The following PLD1 variants were observed in gnomAD, a reference collection of about 807,000 sequenced individuals.
The protein encoded by PLD1 is choline phosphatase 1.
A neutral mutation model predicts 137.1 loss-of-function variants in PLD1; 112 were observed. The observed-to-expected ratio is 0.82, with a 90% CI of 0.70 to 0.96. PLD1 has a LOEUF of 0.96. Ranked by LOEUF, PLD1 falls within the 40% of genes least tolerant of loss-of-function variation. The probability of loss-of-function intolerance (pLI) is 0.00; values close to 1 mark genes in which losing one functional copy is unlikely to be tolerated. For missense variants in PLD1, 1,321 were observed against 1,342.0 expected (o/e 0.98, Z 0.24); for synonymous variants, 431 against 454.7 (o/e 0.95, Z 0.66).
At chr3:171,635,122 A>G (rs1474597326) in intron 23 of PLD1, among the ~76,000 whole-genome samples, 1 of 152,270 alleles carries the variant, frequency 6.6e-6, no homozygotes, top group South Asian at 2.1e-4. Context: ...TTACATCTAA[A>G]TAATACTCCA....
chr3:171,634,447 A>G lies in PLD1; in HGVS notation c.2593+8393T>C, dbSNP rs185461702. On this transcript the variant is annotated intron_variant, in intron 23 of 26. Transcript: ENST00000351298. ...CGATATATCTTTTATAAATTTACTA[A>G]TTCACTATCATCTTCATTTTAGGCC... 6.0e-4 allele frequency among the ~76,000 whole-genome samples: 91 copies of G among 152,250 alleles called. No individual in the cohort carries two copies. In the East Asian group the frequency reaches 0.017, roughly 28 times the overall value.
chr3:171,623,153 G>A (rs1733775000), intron 23 of PLD1, among the ~76,000 whole-genome samples: 1 of 151,930 alleles, frequency 6.6e-6, no homozygotes. Flanking sequence ...CATTACATGA[G>A]ATCGCATTAA....
chr3:171,747,184 T>G (rs1199500708), intron 1 of PLD1, among the ~76,000 whole-genome samples: 1 of 152,118 alleles, frequency 6.6e-6, no homozygotes, highest in East Asian at 1.9e-4. Flanking sequence ...ACACCATCTT[T>G]AAGAACTGTA....
intron 21 of PLD1, among the ~76,000 whole-genome samples, chr3:171,655,504 G>A (rs964860127): frequency 5.3e-5 from 8 of 152,048 alleles, no homozygotes; most frequent in African/African-American, 1.9e-4. Context: ...AGAACTACAG[G>A]CACACCAAAA....
intron 1 of PLD1, chr3:171,792,876 C>A (rs1450478973): frequency 5.7e-6 from 2 of 352,994 alleles, no homozygotes; most frequent in South Asian, 2.1e-5. Context: ...GCCTCACACA[C>A]AAAGCCCTTT....
rs1455751750 is a variant in PLD1 at position 171,737,908 on chromosome 3, A to T, written c.144T>A (p.Asp48Glu). 1.2e-6 allele frequency: 2 copies of T among 1,613,416 alleles called. No homozygotes were observed. Among genetic ancestry groups the T allele is most frequent in the East Asian group, 4.5e-5 (2 of 44,852 alleles). The change falls in exon 2 of 27, where the codon GAT (aspartate) becomes GAA (glutamate). Residue 48 changes from aspartate to glutamate, a missense_variant. Coordinates refer to ENST00000351298, the MANE Select transcript of PLD1 (RefSeq NM_002662.5). ...CGTCTTTACCTTCTTGTATCTTGGGATCGCTGGGAGACACGTCGTAGTCTA... is the reference window on the plus strand; with the variant it reads ...CGTCTTTACCTTCTTGTATCTTGGGTTCGCTGGGAGACACGTCGTAGTCTA... ...EEVDYDVSPS[D>E]PKIQEVYIPF...
chr3:171,606,035 G>T (rs1019067365), intron 25 of PLD1, among the ~76,000 whole-genome samples: 2 of 152,140 alleles, frequency 1.3e-5, no homozygotes, highest in African/African-American at 4.8e-5. Flanking sequence ...AACACACTCT[G>T]GGGGGCAAGG....
At chr3:171,642,797 C>G (rs1735876915) in intron 23 of PLD1, 43 bp downstream of exon 23, 3 of 1,107,076 alleles carry the variant, frequency 2.7e-6, no homozygotes, top group Non-Finnish European at 4.1e-6. Context: ...ACCTCACCTT[C>G]ATAATAAAAA....
At chr3:171,662,802 A>C (rs900717383) in intron 19 of PLD1, among the ~76,000 whole-genome samples, 1 of 152,248 alleles carries the variant, frequency 6.6e-6, no homozygotes, top group African/African-American at 2.4e-5. Flanking sequence ...ACTTTAGTCT[A>C]AACTTTCTAA....
intron 1 of PLD1, among the ~76,000 whole-genome samples, chr3:171,787,613 GA>G (rs1168090398): frequency 2.0e-5 from 3 of 152,082 alleles, no homozygotes; most frequent in Non-Finnish European, 4.4e-5. Flanking sequence ...ATCATACCCA[GA>G]AAATAAAATT....
chr3:171,620,074 C>T (rs906393215), intron 24 of PLD1, among the ~76,000 whole-genome samples: 63 of 152,248 alleles, frequency 4.1e-4, no homozygotes, highest in African/African-American at 1.5e-3. Context: ...TAGTTTAGTT[C>T]ACAAAGAGAT....
In PLD1 at chr3:171,614,637, A is replaced by G. The variant is rs960947560; in HGVS notation, c.2729-2205T>C. Among the ~76,000 whole-genome samples, 37 of 152,248 alleles carry G rather than the reference A, an allele frequency of 2.4e-4. 1 individual carries two copies. Among genetic ancestry groups the G allele is most frequent in the African/African-American group, 8.7e-4 (36 of 41,468 alleles). ...TTTAAAGAAGCCTCCTCTCTGGCTT[A>G]ATCGCCCCATGTGTGAACTGTAGGA... On this transcript the variant is annotated intron_variant, in intron 24 of 26. Coordinates refer to ENST00000351298, the MANE Select transcript of PLD1 (RefSeq NM_002662.5).
chr3:171,684,240 C>T (rs1218610618), intron 16 of PLD1, among the ~76,000 whole-genome samples: 1 of 152,206 alleles, frequency 6.6e-6, no homozygotes, highest in Non-Finnish European at 1.5e-5. Flanking sequence ...TTGCCAGCAA[C>T]ACTATCAGTC....
chr3:171,611,916 C>T (rs1368864570), intron 25 of PLD1, among the ~76,000 whole-genome samples: 2 of 151,898 alleles, frequency 1.3e-5, no homozygotes, highest in African/African-American at 4.8e-5. Flanking sequence ...ACGGTATCTA[C>T]AAAAAATTTT....
chr3:171,720,514 C>T (rs1481814555), intron 8 of PLD1, among the ~76,000 whole-genome samples: 7 of 149,940 alleles, frequency 4.7e-5, no homozygotes, highest in Admixed American at 4.0e-4. Context: ...ATCTGGGAGG[C>T]GGAGCTTGCA....
chr3:171,800,301 C>T (rs1468918061), intron 1 of PLD1, among the ~76,000 whole-genome samples: 1 of 152,016 alleles, frequency 6.6e-6, no homozygotes. Flanking sequence ...CTCCGTCTCC[C>T]TGGTTCAAGC....
Position 171,737,983 on chromosome 3 carries a change from A to G in PLD1, c.69T>C (p.Asn23=). 6.2e-7 allele frequency: 1 copy of G among 1,613,992 alleles called. No homozygotes were observed. The highest frequency in any genetic ancestry group is 8.5e-7 in the Non-Finnish European group (1 of 1,179,896). Residue 23 remains asparagine (N), a synonymous_variant, in exon 2 of 27, where the codon AAT becomes AAC. Transcript: ENST00000351298. ...ALQKIAADMS[N]IIENLDTREL... Reference sequence around the variant, plus strand: ...CCCGCGTGTCCAGATTTTCTATGATATTACTCATGTCAGCAGCAATTTTCT... The same window carrying G: ...CCCGCGTGTCCAGATTTTCTATGATGTTACTCATGTCAGCAGCAATTTTCT...
chr3:171,654,543 GATCTGAGA>G (rs1737038735), intron 21 of PLD1, among the ~76,000 whole-genome samples: 1 of 152,128 alleles, frequency 6.6e-6, no homozygotes, highest in Non-Finnish European at 1.5e-5. Context: ...CATGTGCAAA[GATCTGAGA>G]ATCTCCTCAG....
intron 19 of PLD1, among the ~76,000 whole-genome samples, chr3:171,667,940 C>T (rs1712316520): frequency 6.6e-6 from 1 of 152,154 alleles, no homozygotes; most frequent in Non-Finnish European, 1.5e-5. Context: ...TTAGTGGAGA[C>T]AGGGTTTCAA....
Sources: gnomAD v4.1 joint callset for allele counts (sites outside exome capture counted in the v4.1 genomes callset) on GRCh38, gnomAD v4.1.1 for gene constraint, MANE v1.5 for transcripts, NCBI Gene and HGNC (gene_info 2026-07-23, HGNC 2026-07-21) for gene names.